The following KLHDC4 variants were observed in gnomAD, a reference collection of about 807,000 sequenced individuals.
KLHDC4 encodes kelch domain containing 4.
KLHDC4 carries 90 observed loss-of-function variants against 62.4 expected under a neutral mutation model. That is an observed-to-expected ratio of 1.44 (90% CI 1.22 to 1.72). The LOEUF is 1.72. Among genes scored for constraint, KLHDC4 ranks in the 40% most tolerant of loss-of-function variants. The probability of loss-of-function intolerance (pLI) is 0.00; values close to 1 mark genes in which losing one functional copy is unlikely to be tolerated. For synonymous variants in KLHDC4, 386 were observed against 284.4 expected (o/e 1.36, Z -3.59); for missense variants, 1,025 against 699.7 (o/e 1.47, Z -5.25).
At chr16:87,765,270 GGCTCCAGT>G (rs1249344054) in intron 1 of KLHDC4, 2 of 456,090 alleles carry the variant, frequency 4.4e-6, no homozygotes, top group South Asian at 1.5e-5. Context: ...GATACCCCGT[GGCTCCAGT>G]GCCTTCTTCA....
At chr16:87,761,020 G>A (rs1457808328) in intron 2 of KLHDC4, among the ~76,000 whole-genome samples, 9 of 152,036 alleles carry the variant, frequency 5.9e-5, no homozygotes, top group African/African-American at 2.2e-4. Flanking sequence ...ATGACAGAGT[G>A]AGACTCCATC....
intron 13 of KLHDC4, chr16:87,702,364 CA>C (rs1567629211): frequency 6.8e-6 from 3 of 440,454 alleles, no homozygotes; most frequent in Non-Finnish European, 1.4e-5. Flanking sequence ...GGTGCAGGGG[CA>C]GGGGGGCGGG....
At chr16:87,765,704 C>A in intron 1 of KLHDC4, 88 bp downstream of exon 1, 1 of 1,320,726 alleles carries the variant, frequency 7.6e-7, no homozygotes. Flanking sequence ...GCTCCCACGG[C>A]CGACCCGTAA....
intron 1 of KLHDC4, among the ~76,000 whole-genome samples, chr16:87,764,830 CAAAAAAAAA>C (rs35356541): frequency 3.1e-4 from 25 of 80,506 alleles, no homozygotes; most frequent in Admixed American, 2.9e-3. Flanking sequence ...AAGACTCTGT[CAAAAAAAAA>C]AAAAAAAAAA....
chr16:87,731,507 A>G (rs1361615015), intron 5 of KLHDC4, among the ~76,000 whole-genome samples: 3 of 152,138 alleles, frequency 2.0e-5, no homozygotes, highest in African/African-American at 7.2e-5. Context: ...AAGATGCCCA[A>G]CATCACGAGC....
At position 87,738,058 on chromosome 16, in the gene KLHDC4, C is replaced by A. The variant is rs112798207; in HGVS notation, c.507-7414G>T. Among the ~76,000 whole-genome samples, 505 of 152,294 alleles carry A rather than the reference C, an allele frequency of 3.3e-3. 1 individual carries two copies. The highest frequency in any genetic ancestry group is 5.6e-3 in the Non-Finnish European group (380 of 68,012). ...TTTGCTGTCGATAGACCCCAGGTTA[C>A]TGTGGAGTCAGAGAGCTTCAGACCA... is the stretch of plus-strand genomic sequence containing the variant. On this transcript the variant is annotated intron_variant, in intron 5 of 11. Transcript: ENST00000270583.
At chr16:87,734,275 T>G (rs1597606675) in intron 5 of KLHDC4, among the ~76,000 whole-genome samples, 1 of 151,542 alleles carries the variant, frequency 6.6e-6, no homozygotes, top group South Asian at 2.1e-4. Flanking sequence ...ACCCAGGAGG[T>G]GGGAGCTGCA....
At chr16:87,762,468 C>G (rs144138958) in intron 1 of KLHDC4, among the ~76,000 whole-genome samples, 53 of 152,366 alleles carry the variant, frequency 3.5e-4, no homozygotes, top group African/African-American at 1.3e-3. Context: ...ACACCCTCAG[C>G]ACCTCTCAGA....
chr16:87,746,795 G>A (rs556097641), intron 5 of KLHDC4, among the ~76,000 whole-genome samples: 2 of 152,314 alleles, frequency 1.3e-5, no homozygotes, highest in South Asian at 4.1e-4. Context: ...TATGTTTGCA[G>A]GATCACTATT....
intron 5 of KLHDC4, among the ~76,000 whole-genome samples, chr16:87,738,634 CAT>C (rs2041767496): frequency 1.5e-5 from 2 of 137,870 alleles, no homozygotes; most frequent in African/African-American, 2.7e-5. Flanking sequence ...CACACACCAG[CAT>C]CTCATCCATC....
chr16:87,743,927 C>A (rs2042631424), intron 5 of KLHDC4, among the ~76,000 whole-genome samples: 1 of 151,858 alleles, frequency 6.6e-6, no homozygotes, highest in African/African-American at 2.4e-5. Flanking sequence ...GCTGTCACTG[C>A]CTAAATGCGA....
exon 1 of KLHDC4, chr16:87,701,779 C>T: frequency 2.2e-6 from 1 of 456,812 alleles, no homozygotes; most frequent in Non-Finnish European, 4.4e-6. Flanking sequence ...ACCCGTCCGC[C>T]ATCCTTCTCC....
intron 5 of KLHDC4, among the ~76,000 whole-genome samples, chr16:87,737,592 T>C (rs1374437143): frequency 3.4e-4 from 4 of 11,626 alleles, no homozygotes; most frequent in Non-Finnish European, 8.0e-4. Context: ...AAATCAGTCT[T>C]TTTTTTTTTT....
chr16:87,723,362 C>T (rs1303823554), intron 7 of KLHDC4, among the ~76,000 whole-genome samples: 2 of 152,258 alleles, frequency 1.3e-5, no homozygotes, highest in African/African-American at 4.8e-5. Context: ...CACCGTCAGA[C>T]TGAGGGCGGG....
downstream of KLHDC4, among the ~76,000 whole-genome samples, chr16:87,705,041 G>A (rs551560629): frequency 3.3e-5 from 5 of 152,280 alleles, no homozygotes; most frequent in Non-Finnish European, 5.9e-5. Context: ...CCCCTGGTAC[G>A]CCCGCCCACC....
chr16:87,747,606 A>T (rs1287745609), intron 5 of KLHDC4: 1 of 152,250 alleles, frequency 6.6e-6, no homozygotes, highest in African/African-American at 2.4e-5. Flanking sequence ...GGCTATGGTC[A>T]TGTCCTCCTC....
rs554937866 is a variant in KLHDC4 at position 87,719,081 on chromosome 16, G to A, written c.760-4508C>T. 4.6e-5 allele frequency among the ~76,000 whole-genome samples: 7 copies of A among 151,270 alleles called. No individual in the cohort carries two copies. In the South Asian group the frequency reaches 8.4e-4, roughly 18 times the overall value. ...CAGCCCCCGCCCGGCCAGCCGCCCC[G>A]TCTGGGAGGGAGGTGGTGGATGCCT... On this transcript the variant is annotated intron_variant, in intron 7 of 11. Coordinates refer to ENST00000270583, the MANE Select transcript of KLHDC4 (RefSeq NM_017566.4).
intron 3 of KLHDC4, 134 bp from the exon 4 acceptor site, chr16:87,755,426 G>T (rs2044719526): frequency 9.0e-6 from 5 of 557,456 alleles, no homozygotes; most frequent in Non-Finnish European, 1.6e-5. Flanking sequence ...GCACAGGGAG[G>T]CCATGGGCTG....
intron 2 of KLHDC4, among the ~76,000 whole-genome samples, chr16:87,761,472 C>A (rs1597422049): frequency 6.6e-6 from 1 of 152,190 alleles, no homozygotes; most frequent in Non-Finnish European, 1.5e-5. Context: ...TGTATGAAAT[C>A]CTACAGACTC....
Sources: gnomAD v4.1 joint callset for allele counts (sites outside exome capture counted in the v4.1 genomes callset) on GRCh38, gnomAD v4.1.1 for gene constraint, MANE v1.5 for transcripts, NCBI Gene and HGNC (gene_info 2026-07-23, HGNC 2026-07-21) for gene names.